ALG9: variants seen among roughly 807,000 people sequenced by gnomAD.
ALG9 encodes alpha-1,2-mannosyltransferase ALG9.
ALG9 carries 55 observed loss-of-function variants against 81.8 expected under a neutral mutation model. The ratio of observed to expected loss-of-function variants is 0.67; its 90% CI spans 0.54 to 0.84. ALG9 has a LOEUF of 0.84. ALG9 is among the 40% of genes least tolerant of loss of function. The pLI is 0.00. For synonymous variants in ALG9, 278 were observed against 274.3 expected, an observed-to-expected ratio of 1.01 and a Z score of -0.13; for missense variants, 629 against 745.0, an observed-to-expected ratio of 0.84 and a Z score of 1.81.
chr11:111,865,297 T>A (rs372470790), intron 3 of ALG9, 46 bp from the exon 4 acceptor site: 15 of 1,429,100 alleles, frequency 1.0e-5, no homozygotes, highest in Admixed American at 2.1e-5. Context: ...AGATATGAGC[T>A]AGAAAAACTC....
chr11:111,832,598 G>GT (rs1273328342), intron 13 of ALG9, among the ~76,000 whole-genome samples: 2 of 152,128 alleles, frequency 1.3e-5, no homozygotes, highest in Non-Finnish European at 2.9e-5. Context: ...AACTGACAAA[G>GT]TTTTTTAAGT....
chr11:111,855,620 A>C (rs1958544616), intron 6 of ALG9, among the ~76,000 whole-genome samples: 1 of 152,244 alleles, frequency 6.6e-6, no homozygotes, highest in African/African-American at 2.4e-5. Flanking sequence ...ATTTACTGGA[A>C]TAGAAACACA....
At chr11:111,820,245 G>A (rs1463727677) in intron 13 of ALG9, among the ~76,000 whole-genome samples, 1 of 152,146 alleles carries the variant, frequency 6.6e-6, no homozygotes, top group African/African-American at 2.4e-5. Flanking sequence ...TCCAATCTGT[G>A]TTGCTATAAC....
At chr11:111,845,819 T>C (rs1956862986) in intron 8 of ALG9, among the ~76,000 whole-genome samples, 1 of 152,214 alleles carries the variant, frequency 6.6e-6, no homozygotes, top group South Asian at 2.1e-4. Context: ...CTGACATTCT[T>C]GCAGCTTGCA....
chr11:111,815,976 A>T (rs920609490), intron 13 of ALG9, among the ~76,000 whole-genome samples: 1 of 152,238 alleles, frequency 6.6e-6, no homozygotes, highest in Non-Finnish European at 1.5e-5. Context: ...TACAGGACAG[A>T]AGGATTACAA....
intron 9 of ALG9, among the ~76,000 whole-genome samples, chr11:111,842,193 G>A (rs1956317616): frequency 6.6e-6 from 1 of 152,116 alleles, no homozygotes; most frequent in African/African-American, 2.4e-5. Context: ...CACTGTGCCT[G>A]GCCTAAGGTG....
the ALG9 span, among the ~76,000 whole-genome samples, chr11:111,772,076 T>C: frequency 6.6e-6 from 1 of 152,226 alleles, no homozygotes; most frequent in Non-Finnish European, 1.5e-5. Flanking sequence ...ACAAAGGTAT[T>C]GGATTTCCAA....
intron 13 of ALG9, among the ~76,000 whole-genome samples, chr11:111,812,915 C>CAAAAAAAAAAAA (rs57311061): frequency 7.1e-5 from 7 of 98,764 alleles, no homozygotes; most frequent in African/African-American, 2.6e-4. Context: ...GACTCTGTCT[C>CAAAAAAAAAAAA]AAAAAAAAAA....
chr11:111,856,062 A>C (rs897319426), intron 6 of ALG9, among the ~76,000 whole-genome samples: 1 of 152,120 alleles, frequency 6.6e-6, no homozygotes, highest in African/African-American at 2.4e-5. Context: ...GTGGATCACG[A>C]GGTCAGGAGT....
At chr11:111,841,077 G>A (rs1555123354) in intron 9 of ALG9, among the ~76,000 whole-genome samples, 1 of 152,094 alleles carries the variant, frequency 6.6e-6, no homozygotes, top group Non-Finnish European at 1.5e-5. Flanking sequence ...CAAGTTAATG[G>A]CTAATAGAAC....
intron 4 of ALG9, among the ~76,000 whole-genome samples, chr11:111,861,254 T>C (rs1483246854): frequency 3.3e-5 from 5 of 152,230 alleles, no homozygotes; most frequent in Admixed American, 1.3e-4. Context: ...TAAATGTATT[T>C]AGGCATTATT....
the ALG9 span, among the ~76,000 whole-genome samples, chr11:111,772,666 G>C: frequency 6.6e-6 from 1 of 152,216 alleles, no homozygotes; most frequent in Non-Finnish European, 1.5e-5. Context: ...CATAGGTAGT[G>C]CCTGGCAAGA....
intron 13 of ALG9, chr11:111,814,864 G>A (rs1951253292): frequency 6.6e-6 from 1 of 152,144 alleles, no homozygotes; most frequent in Admixed American, 6.5e-5. Flanking sequence ...AGGATTATAA[G>A]AACATGAAAC....
chr11:111,788,434 C>G (rs1555067143), intron 14 of ALG9: 1 of 453,966 alleles, frequency 2.2e-6, no homozygotes, highest in Non-Finnish European at 4.4e-6. Context: ...GAAGAGGAAG[C>G]ACCTACCCCA....
chr11:111,826,867 T>C (rs531996846), intron 13 of ALG9, among the ~76,000 whole-genome samples: 1 of 152,268 alleles, frequency 6.6e-6, no homozygotes, highest in Non-Finnish European at 1.5e-5. Context: ...ATTTTATTGT[T>C]CTTTTTCTAT....
chr11:111,870,763 C>A (rs1964065730), intron 1 of ALG9: 1 of 1,011,442 alleles, frequency 9.9e-7, no homozygotes, highest in Non-Finnish European at 1.2e-6. Flanking sequence ...CCCAAGCCAA[C>A]TAATCACTCA....
At chr11:111,794,062 G>T (rs1030077659) in intron 14 of ALG9, among the ~76,000 whole-genome samples, 3 of 152,174 alleles carry the variant, frequency 2.0e-5, no homozygotes, top group African/African-American at 7.2e-5. Flanking sequence ...CAAAGCAATT[G>T]CCTGCACAGC....
At chr11:111,802,675 A>T (rs1469734352) in intron 14 of ALG9, among the ~76,000 whole-genome samples, 3 of 151,598 alleles carry the variant, frequency 2.0e-5, no homozygotes, top group East Asian at 3.9e-4. Context: ...AATAAAGTTT[A>T]AAAAAAAACA....
downstream of ALG9, among the ~76,000 whole-genome samples, chr11:111,777,781 G>C (rs556288103): frequency 2.6e-5 from 4 of 152,150 alleles, no homozygotes; most frequent in Non-Finnish European, 5.9e-5. Context: ...GGAAAAAATG[G>C]GAGCACATTA....
Sources: allele counts gnomAD v4.1 joint callset (sites outside exome capture counted in the v4.1 genomes callset), GRCh38; gene constraint gnomAD v4.1.1; transcripts MANE v1.5; gene names NCBI Gene and HGNC (gene_info 2026-07-23, HGNC 2026-07-21).